Variants in SRGAP2C observed in about 807,000 individuals in gnomAD.
SRGAP2C encodes the protein SLIT-ROBO Rho GTPase-activating protein 2C.
SRGAP2C carries 15 observed loss-of-function variants against 25.1 expected under a neutral mutation model. The ratio of observed to expected loss-of-function variants is 0.60; its 90% CI spans 0.40 to 0.92. The LOEUF (loss-of-function observed/expected upper bound fraction) is 0.92, where lower values mean the gene tolerates loss of function less well. Ranked by LOEUF, SRGAP2C falls within the 40% of genes least tolerant of loss-of-function variation. The pLI is 0.00. For missense variants in SRGAP2C, 144 were observed against 264.4 expected (o/e 0.54, Z 3.16); for synonymous variants, 44 against 96.6 (o/e 0.46, Z 3.19).
intron 2 of SRGAP2C, among the ~76,000 whole-genome samples, chr1:121,278,898 G>A (rs1224964833): frequency 1.9e-4 from 29 of 150,410 alleles, no homozygotes; most frequent in Non-Finnish European, 3.6e-4. Context: ...AAGAAGTCTT[G>A]GTAAGAGATA....
chr1:121,356,622 A>C (rs1198782378), intron 4 of SRGAP2C, among the ~76,000 whole-genome samples: 1 of 151,012 alleles, frequency 6.6e-6, no homozygotes, highest in Non-Finnish European at 1.5e-5. Flanking sequence ...TACCATTTCT[A>C]CTCTGTGCTT....
chr1:121,369,787 AGT>A (rs1315976265), intron 5 of SRGAP2C, among the ~76,000 whole-genome samples: 2 of 112,708 alleles, frequency 1.8e-5, no homozygotes, highest in African/African-American at 7.3e-5. Context: ...ACAGGGATGA[AGT>A]CAGGCTCCTT....
intron 2 of SRGAP2C, among the ~76,000 whole-genome samples, chr1:121,279,844 G>T (rs1187236603): frequency 1.4e-5 from 2 of 139,292 alleles, no homozygotes; most frequent in Non-Finnish European, 3.1e-5. Flanking sequence ...CAGCTTCCAA[G>T]ATTTGCTTTA....
chr1:121,351,023 CA>C (rs1234694537), intron 4 of SRGAP2C, among the ~76,000 whole-genome samples: 3 of 144,674 alleles, frequency 2.1e-5, no homozygotes, highest in African/African-American at 7.7e-5. Context: ...TACTGCAAAT[CA>C]AAACCACAAT....
At chr1:121,268,325 G>T (rs1553334695) in intron 2 of SRGAP2C, among the ~76,000 whole-genome samples, 1 of 150,568 alleles carries the variant, frequency 6.6e-6, no homozygotes, top group East Asian at 1.9e-4. Context: ...CCTGAGGTGG[G>T]TGTTTGCTTG....
intron 2 of SRGAP2C, among the ~76,000 whole-genome samples, chr1:121,272,798 A>G (rs1343591559): frequency 2.0e-5 from 3 of 151,790 alleles, no homozygotes; most frequent in African/African-American, 7.2e-5. Context: ...TTAGGCAGTT[A>G]ACTGATCTCT....
At chr1:121,375,318 CTTT>C (rs1231177207) in intron 7 of SRGAP2C, among the ~76,000 whole-genome samples, 4 of 19,810 alleles carry the variant, frequency 2.0e-4, no homozygotes, top group South Asian at 1.0e-3. Context: ...TACTTTCTTC[CTTT>C]TTTTTTTTTT....
intron 3 of SRGAP2C, among the ~76,000 whole-genome samples, chr1:121,310,769 G>T (rs1304715430): frequency 1.2e-5 from 1 of 86,410 alleles, no homozygotes. Flanking sequence ...GCTCTGTTCT[G>T]TTCCATTGAT....
At chr1:121,226,293 G>A (rs1314308557) in intron 2 of SRGAP2C, among the ~76,000 whole-genome samples, 2 of 139,070 alleles carry the variant, frequency 1.4e-5, no homozygotes, top group African/African-American at 5.4e-5. Context: ...GAAGCTTAGA[G>A]CCTCATTTCA....
chr1:121,370,667 A>G (rs1457321963), intron 5 of SRGAP2C, among the ~76,000 whole-genome samples: 1 of 152,096 alleles, frequency 6.6e-6, no homozygotes, highest in Non-Finnish European at 1.5e-5. Flanking sequence ...GATGGTCTCA[A>G]TCTCCTGACC....
At chr1:121,385,673 G>T (rs2101682929) in intron 8 of SRGAP2C, among the ~76,000 whole-genome samples, 1 of 152,268 alleles carries the variant, frequency 6.6e-6, no homozygotes, top group Non-Finnish European at 1.5e-5. Context: ...CAGACAAGAG[G>T]CTAAAGGACG....
intron 2 of SRGAP2C, among the ~76,000 whole-genome samples, chr1:121,214,417 G>GT (rs1655343383): frequency 1.5e-5 from 2 of 129,096 alleles, no homozygotes; most frequent in African/African-American, 6.1e-5. Flanking sequence ...TAGAATGCAT[G>GT]TTTTTTCTTT....
At chr1:121,289,008 G>A (rs1365240508) in intron 3 of SRGAP2C, among the ~76,000 whole-genome samples, 36 of 146,268 alleles carry the variant, frequency 2.5e-4, no homozygotes, top group African/African-American at 5.8e-4. Context: ...GACTCTCCAC[G>A]TCCCCACCAG....
intron 3 of SRGAP2C, among the ~76,000 whole-genome samples, chr1:121,314,755 G>C (rs1396843734): frequency 1.3e-5 from 2 of 151,694 alleles, no homozygotes; most frequent in East Asian, 2.0e-4. Flanking sequence ...AGGGATCAGG[G>C]ACCCACTTGA....
intron 3 of SRGAP2C, among the ~76,000 whole-genome samples, chr1:121,295,848 G>A (rs1445455790): frequency 6.6e-6 from 1 of 151,932 alleles, no homozygotes; most frequent in Non-Finnish European, 1.5e-5. Flanking sequence ...TGCATCCTCT[G>A]CCTCCCAGGT....
At chr1:121,286,664 C>T (rs1450945528) in intron 3 of SRGAP2C, among the ~76,000 whole-genome samples, 1 of 152,226 alleles carries the variant, frequency 6.6e-6, no homozygotes, top group Non-Finnish European at 1.5e-5. Context: ...TAACAAGATC[C>T]CACAACATAG....
chr1:121,204,301 A>G (rs1271191279), intron 2 of SRGAP2C, among the ~76,000 whole-genome samples: 1 of 151,722 alleles, frequency 6.6e-6, no homozygotes, highest in African/African-American at 2.4e-5. Context: ...CAATTTCCTT[A>G]TCAAGAAACT....
At chr1:121,188,218 A>G (rs1450916809) in intron 2 of SRGAP2C, among the ~76,000 whole-genome samples, 36 of 152,182 alleles carry the variant, frequency 2.4e-4, no homozygotes, top group African/African-American at 8.7e-4. Flanking sequence ...TAATTGTTTA[A>G]CCCTTCTGTG....
intron 2 of SRGAP2C, among the ~76,000 whole-genome samples, chr1:121,272,580 AG>A (rs1482083322): frequency 3.7e-4 from 56 of 151,930 alleles, no homozygotes; most frequent in Admixed American, 2.2e-3. Context: ...AATTTGGTGA[AG>A]GTGAAGGAAT....
Sources: gnomAD v4.1 joint callset for allele counts (sites outside exome capture counted in the v4.1 genomes callset) on GRCh38, gnomAD v4.1.1 for gene constraint, MANE v1.5 for transcripts, NCBI Gene and HGNC (gene_info 2026-07-23, HGNC 2026-07-21) for gene names.